Variants in RGS7BP observed in about 807,000 individuals in gnomAD.
RGS7BP encodes the protein regulator of G protein signaling 7 binding protein.
A neutral mutation model predicts 31.3 loss-of-function variants in RGS7BP; 9 were observed. That is an observed-to-expected ratio of 0.29 (90% CI 0.17 to 0.50). The LOEUF is 0.50. RGS7BP is among the 20% of genes least tolerant of loss of function. RGS7BP has a pLI of 0.98. For missense variants in RGS7BP, 274 were observed against 322.0 expected (o/e 0.85, Z 1.14); for synonymous variants, 115 against 120.1 (o/e 0.96, Z 0.28).
Position 64,528,241 on chromosome 5 carries a change from G to C in RGS7BP, c.332+20364G>C, listed in dbSNP as rs193120154. On this transcript the variant is annotated intron_variant, in intron 2 of 5. Transcript: ENST00000334025. ...CTCATTTCATTGGAGAGAATAATGA[G>C]AGAGGAAGCAGAAGTGAGAAAGTCA... 6.6e-5 allele frequency among the ~76,000 whole-genome samples: 10 copies of C among 152,314 alleles called. No homozygotes were observed. In the East Asian group the frequency reaches 1.7e-3, roughly 26 times the overall value.
At position 64,506,434 on chromosome 5, in the gene RGS7BP, G is replaced by C. The variant is rs368475059; in HGVS notation, c.-191G>C. The C allele has an allele frequency of 1.3e-5, 6 of 466,240 alleles. No individual in the cohort carries two copies. The highest frequency in any genetic ancestry group is 4.1e-5 in the African/African-American group (2 of 49,106). The allele number at this position is 466,240 out of a possible 1,614,324, so 28.9% of individuals were successfully genotyped here. ...GCTGCTAGTGGAAGCGATGCTGCAC[G>C]GCACAGCTAGCGCTTCCCCGGCTCT... On this transcript the variant is annotated 5_prime_UTR_variant, in exon 1 of 6. Transcript: ENST00000334025. The surrounding 1 kb of genome is among the most constrained non-coding windows in gnomAD (Gnocchi z 4.6).
chr5:64,529,549 G>A (rs915077563), intron 2 of RGS7BP, among the ~76,000 whole-genome samples: 3 of 152,118 alleles, frequency 2.0e-5, no homozygotes, highest in East Asian at 1.9e-4. Context: ...CATTGGAATC[G>A]CCTGGGGAGC....
intron 2 of RGS7BP, among the ~76,000 whole-genome samples, chr5:64,554,843 G>A (rs1741883750): frequency 6.6e-6 from 1 of 151,884 alleles, no homozygotes; most frequent in African/African-American, 2.4e-5. Flanking sequence ...TATGTAAAAA[G>A]ACCAAGCATA....
intron 2 of RGS7BP, among the ~76,000 whole-genome samples, chr5:64,536,235 T>A (rs944900234): frequency 1.3e-5 from 2 of 152,286 alleles, no homozygotes; most frequent in South Asian, 4.1e-4. Flanking sequence ...AAAGGGAAGA[T>A]ATTTCTGATT....
chr5:64,520,550 C>T (rs1181764925), intron 2 of RGS7BP, among the ~76,000 whole-genome samples: 2 of 152,172 alleles, frequency 1.3e-5, no homozygotes, highest in Non-Finnish European at 1.5e-5. Context: ...TTCCCTATAC[C>T]ATATTTACTC....
At chr5:64,555,213 T>C (rs1741891986) in intron 2 of RGS7BP, among the ~76,000 whole-genome samples, 1 of 152,070 alleles carries the variant, frequency 6.6e-6, no homozygotes, top group African/African-American at 2.4e-5. Flanking sequence ...GAAGTGAGTC[T>C]CTCCACAACA....
chr5:64,525,258 GTT>G (rs1561322614), intron 2 of RGS7BP, among the ~76,000 whole-genome samples: 1 of 152,150 alleles, frequency 6.6e-6, no homozygotes, highest in African/African-American at 2.4e-5. Context: ...GGAGGGAGGT[GTT>G]CTTAATGTAG....
chr5:64,543,089 T>C (rs946534855), intron 2 of RGS7BP, among the ~76,000 whole-genome samples: 2 of 152,236 alleles, frequency 1.3e-5, no homozygotes, highest in South Asian at 2.1e-4. Flanking sequence ...ATATGATATA[T>C]ACAGGAATCT....
intron 2 of RGS7BP, among the ~76,000 whole-genome samples, chr5:64,513,264 C>G (rs1275008401): frequency 6.6e-6 from 1 of 152,112 alleles, no homozygotes; most frequent in Non-Finnish European, 1.5e-5. Flanking sequence ...TCAGGTTTTT[C>G]CCTCCAGCAA....
intron 5 of RGS7BP, among the ~76,000 whole-genome samples, chr5:64,606,486 A>G (rs117746905): frequency 6.6e-6 from 1 of 152,228 alleles, no homozygotes; most frequent in East Asian, 1.9e-4. Flanking sequence ...TCCCATAAAT[A>G]TCTTCATAGT....
At chr5:64,509,555 A>AT (rs924261046) in intron 2 of RGS7BP, among the ~76,000 whole-genome samples, 27 of 150,190 alleles carry the variant, frequency 1.8e-4, no homozygotes, top group East Asian at 1.8e-3. Flanking sequence ...TTTCAGGTGG[A>AT]TTTTTTTTTT....
At position 64,506,785 on chromosome 5, in the gene RGS7BP, A is replaced by G. The variant is rs1256528870; in HGVS notation, c.161A>G (p.Lys54Arg). The change falls in exon 1 of 6, where the codon AAG (lysine) becomes AGG (arginine). Residue 54 changes from lysine to arginine, a missense_variant. Coordinates refer to ENST00000334025, the MANE Select transcript of RGS7BP (RefSeq NM_001029875.3). The surrounding 1 kb of genome is among the most constrained non-coding windows in gnomAD (Gnocchi z 4.6). Reference protein sequence around the residue: ...HKTQRALDDCKMLVQEFNTQV... With the variant: ...HKTQRALDDCRMLVQEFNTQV... ...ACCCAACGAGCCCTGGACGACTGCA[A>G]GATGGTGGGTGAAAACTGCGCCTCT... is the stretch of plus-strand genomic sequence containing the variant. 1 of 1,549,838 alleles carries G rather than the reference A, an allele frequency of 6.5e-7. No homozygotes were observed. Among genetic ancestry groups the G allele is most frequent in the South Asian group, 1.2e-5 (1 of 84,480 alleles).
At chr5:64,594,933 G>GT in intron 4 of RGS7BP, 76 bp downstream of exon 4, 1 of 1,469,642 alleles carries the variant, frequency 6.8e-7, no homozygotes, top group East Asian at 2.3e-5. Context: ...GAGAGACGAG[G>GT]TTTTCTAGTT....
rs369796503 is a variant in RGS7BP, at chr5:64,594,784, G to C, written c.538G>C (p.Asp180His). Residue 180 changes from aspartate to histidine, a missense_variant, in exon 4 of 6, where the codon GAC becomes CAC. Physicochemically the swap from Asp to His is moderately conservative, Grantham distance 81 (BLOSUM62 -1). Around this residue, in one of 3 missense-constraint regions of RGS7BP, gnomAD observed 112 missense variants for 130.9 expected, o/e 0.86. Transcript: ENST00000334025. ...GAGTGCTGAAACACCTGCCCTAGAA[G>C]ACTCCTCATCATCCCCCGTAGATAG... is the stretch of plus-strand genomic sequence containing the variant. ...EESAETPALE[D>H]SSSSPVDSQQ... is the part of the protein sequence containing the mutation. 6.2e-7 allele frequency: 1 copy of C among 1,613,592 alleles called. No homozygotes were observed. Among genetic ancestry groups the C allele is most frequent in the Non-Finnish European group, 8.5e-7 (1 of 1,179,770 alleles).
intron 2 of RGS7BP, among the ~76,000 whole-genome samples, chr5:64,570,573 G>A (rs1742280351): frequency 6.6e-6 from 1 of 151,916 alleles, no homozygotes; most frequent in South Asian, 2.1e-4. Context: ...AGCTACACAG[G>A]TCTCCAAAGT....
chr5:64,558,172 A>G (rs1313007229), intron 2 of RGS7BP, among the ~76,000 whole-genome samples: 1 of 151,280 alleles, frequency 6.6e-6, no homozygotes, highest in Non-Finnish European at 1.5e-5. Context: ...GTTTGGATCT[A>G]CTTACTAAGA....
At chr5:64,508,507 T>C (rs1396067483) in intron 2 of RGS7BP, among the ~76,000 whole-genome samples, 1 of 152,226 alleles carries the variant, frequency 6.6e-6, no homozygotes, top group Admixed American at 6.5e-5. Context: ...AGATTTATCG[T>C]TTTTCTAGCC....
intron 3 of RGS7BP, among the ~76,000 whole-genome samples, chr5:64,581,341 A>G (rs1580451998): frequency 1.3e-5 from 2 of 152,342 alleles, no homozygotes; most frequent in East Asian, 3.9e-4. Flanking sequence ...AAGGAAAAAT[A>G]AAAGGGATTG....
chr5:64,595,554 A>G (rs1226522539), intron 4 of RGS7BP, among the ~76,000 whole-genome samples: 3 of 152,164 alleles, frequency 2.0e-5, no homozygotes, highest in East Asian at 3.9e-4. Context: ...TAATATTATA[A>G]TAAATACCAT....
Sources: gnomAD v4.1 joint callset for allele counts (sites outside exome capture counted in the v4.1 genomes callset) on GRCh38, gnomAD v4.1.1 for gene constraint, gnomAD v4.1.1 regional missense constraint, Gnocchi (gnomAD v3.1) non-coding constraint, MANE v1.5 for transcripts, NCBI Gene and HGNC (gene_info 2026-07-23, HGNC 2026-07-21) for gene names.